TMEM181: variants seen among roughly 807,000 people sequenced by gnomAD.
The protein encoded by TMEM181 is G protein-coupled receptor 178.
A neutral mutation model predicts 71.9 loss-of-function variants in TMEM181; 39 were observed. That is an observed-to-expected ratio of 0.54 (90% CI 0.42 to 0.71). The LOEUF is 0.71. Ranked by LOEUF, TMEM181 falls within the 30% of genes least tolerant of loss-of-function variation. The pLI, the probability that TMEM181 is intolerant of heterozygous loss-of-function variation, is 0.00. For synonymous variants in TMEM181, 245 were observed against 228.8 expected, an observed-to-expected ratio of 1.07 and a Z score of -0.64; for missense variants, 595 against 583.0, an observed-to-expected ratio of 1.02 and a Z score of -0.21.
chr6:158,569,723 C>T (rs985149497), intron 1 of TMEM181, among the ~76,000 whole-genome samples: 2 of 152,104 alleles, frequency 1.3e-5, no homozygotes, highest in African/African-American at 4.8e-5. Context: ...GCTTCAGCCT[C>T]CCAAGTAGCT....
chr6:158,625,813 A>G, intron 13 of TMEM181, 59 bp downstream of exon 13: 1 of 1,462,076 alleles, frequency 6.8e-7, no homozygotes, highest in Non-Finnish European at 9.5e-7. Context: ...ACTGTCAGGA[A>G]TATCTGTTGC....
chr6:158,615,842 A>G (rs1785579313), intron 10 of TMEM181, among the ~76,000 whole-genome samples: 1 of 152,120 alleles, frequency 6.6e-6, no homozygotes. Context: ...CCCTTGTTCT[A>G]CATCTCTGTT....
At chr6:158,561,341 G>A (rs1284592650) in intron 1 of TMEM181, among the ~76,000 whole-genome samples, 1 of 152,190 alleles carries the variant, frequency 6.6e-6, no homozygotes, top group Non-Finnish European at 1.5e-5. Flanking sequence ...AGACCTATGT[G>A]GATGTTTTAA....
intron 1 of TMEM181, among the ~76,000 whole-genome samples, chr6:158,570,986 C>T (rs1782775132): frequency 6.7e-6 from 1 of 149,910 alleles, no homozygotes; most frequent in Non-Finnish European, 1.5e-5. Context: ...GATCTCGGCT[C>T]ACTGCAACCT....
At chr6:158,591,672 T>C (rs1028045678) in intron 6 of TMEM181, among the ~76,000 whole-genome samples, 3 of 152,108 alleles carry the variant, frequency 2.0e-5, no homozygotes, top group African/African-American at 7.2e-5. Context: ...AGAATCATTC[T>C]GATTCAACAG....
intron 1 of TMEM181, among the ~76,000 whole-genome samples, chr6:158,545,067 C>T (rs745565517): frequency 6.6e-6 from 1 of 152,236 alleles, no homozygotes; most frequent in Non-Finnish European, 1.5e-5. Flanking sequence ...TGCTGCCCAC[C>T]GCTCAGGGGC....
intron 4 of TMEM181, among the ~76,000 whole-genome samples, chr6:158,584,792 C>T (rs568467611): frequency 1.3e-5 from 2 of 152,200 alleles, no homozygotes; most frequent in East Asian, 3.9e-4. Flanking sequence ...ATTCATATTA[C>T]TACGTATTTG....
chr6:158,588,816 C>A (rs1201472230), intron 5 of TMEM181, among the ~76,000 whole-genome samples: 1 of 152,202 alleles, frequency 6.6e-6, no homozygotes, highest in Non-Finnish European at 1.5e-5. Context: ...CTCAGACATT[C>A]GAGGCTTGAC....
chr6:158,594,217 GCCT>G, intron 6 of TMEM181, among the ~76,000 whole-genome samples: 1 of 148,550 alleles, frequency 6.7e-6, no homozygotes, highest in East Asian at 2.0e-4. Context: ...TCATACCTTA[GCCT>G]CCTGGGTAGC....
intron 6 of TMEM181, among the ~76,000 whole-genome samples, chr6:158,602,309 C>T (rs1354408070): frequency 2.0e-5 from 3 of 152,214 alleles, no homozygotes; most frequent in East Asian, 1.9e-4. Flanking sequence ...ATTTGAATTA[C>T]TTCCAGTTTG....
chr6:158,605,444 A>T (rs902614261), intron 7 of TMEM181, 97 bp downstream of exon 7: 2 of 1,115,610 alleles, frequency 1.8e-6, no homozygotes, highest in Non-Finnish European at 2.7e-6. Context: ...ATGGAGATTG[A>T]TCTGAACTCA....
At position 158,586,565 on chromosome 6, in the gene TMEM181, C is replaced by G. The variant is rs528356107; in HGVS notation, c.381+1140C>G. ...GAGGGCCCAGGATTTAAACCTGTGC[C>G]CTTTTATTCTGAAGCTTGTGGCCTT... On this transcript the variant is annotated intron_variant, in intron 5 of 16. Transcript: ENST00000684151. Among the ~76,000 whole-genome samples, 18 of 152,284 alleles carry G rather than the reference C, an allele frequency of 1.2e-4. No individual in the cohort carries two copies. In the South Asian group the frequency reaches 3.5e-3, roughly 30 times the overall value.
At chr6:158,564,922 T>C (rs963973251) in intron 1 of TMEM181, among the ~76,000 whole-genome samples, 9 of 152,198 alleles carry the variant, frequency 5.9e-5, no homozygotes, top group African/African-American at 2.2e-4. Context: ...TCAATTCTCA[T>C]GTGGGAGATG....
At chr6:158,541,604 G>A (rs974066092) in intron 1 of TMEM181, among the ~76,000 whole-genome samples, 1 of 152,132 alleles carries the variant, frequency 6.6e-6, no homozygotes, top group Non-Finnish European at 1.5e-5. Flanking sequence ...CTTGGCTCAT[G>A]TTCCGTTTCC....
intron 10 of TMEM181, among the ~76,000 whole-genome samples, chr6:158,608,969 A>G (rs1439139567): frequency 3.3e-5 from 5 of 152,040 alleles, no homozygotes; most frequent in Admixed American, 6.5e-5. Flanking sequence ...GTGGTGGCGC[A>G]TGCCTGTAGT....
chr6:158,627,282 G>A (rs1460863495), intron 13 of TMEM181, among the ~76,000 whole-genome samples: 4 of 152,208 alleles, frequency 2.6e-5, no homozygotes, highest in Non-Finnish European at 5.9e-5. Context: ...CGTCTCGGAA[G>A]TTGCCCTGCC....
chr6:158,571,308 G>A (rs970369771), intron 1 of TMEM181, among the ~76,000 whole-genome samples: 3 of 151,522 alleles, frequency 2.0e-5, no homozygotes, highest in East Asian at 3.9e-4. Context: ...CGTGTTAGCA[G>A]GATGGTCTCG....
At chr6:158,562,446 T>TGTGTGTG (rs1554302346) in intron 1 of TMEM181, among the ~76,000 whole-genome samples, 56 of 141,104 alleles carry the variant, frequency 4.0e-4, no homozygotes, top group Admixed American at 1.1e-3. Flanking sequence ...AAGGCTGTTT[T>TGTGTGTG]TGTGTGTGTG....
chr6:158,632,292 T>G lies in TMEM181; in HGVS notation c.*404T>G, dbSNP rs1294480132. The G allele has an allele frequency of 1.4e-5, 3 of 214,940 alleles. No homozygotes were observed. The highest frequency in any genetic ancestry group is 2.9e-5 in the Non-Finnish European group (3 of 103,738). The allele number at this position is 214,940 out of a possible 1,614,324, so 13.3% of individuals were successfully genotyped here. A position where few individuals can be genotyped will look rare whatever the true frequency, so the allele number is the denominator to read the frequency against. ...TGACAGCATCACCCTCTTTCTTCCCTTTTCCATGGTACTGTTTTGTGACCC... is the reference window on the plus strand; with the variant it reads ...TGACAGCATCACCCTCTTTCTTCCCGTTTCCATGGTACTGTTTTGTGACCC... On this transcript the variant is annotated 3_prime_UTR_variant, in exon 17 of 17. Transcript: ENST00000684151.
Sources: gnomAD v4.1 joint callset for allele counts (sites outside exome capture counted in the v4.1 genomes callset) on GRCh38, gnomAD v4.1.1 for gene constraint, MANE v1.5 for transcripts, NCBI Gene and HGNC (gene_info 2026-07-23, HGNC 2026-07-21) for gene names.